The following TAF7L variants were observed in gnomAD, a reference collection of about 807,000 sequenced individuals.
The protein encoded by TAF7L is transcription initiation factor TFIID subunit 7-like.
TAF7L carries 6 observed loss-of-function variants against 30.2 expected under a neutral mutation model. The ratio of observed to expected loss-of-function variants is 0.20; its 90% CI spans 0.11 to 0.39. The LOEUF is 0.39. Among genes scored for constraint, TAF7L ranks in the 10% least tolerant of loss-of-function variants. TAF7L has a pLI of 1.00. For synonymous variants in TAF7L, 93 were observed against 94.5 expected, an observed-to-expected ratio of 0.98 and a Z score of 0.09; for missense variants, 284 against 277.1, an observed-to-expected ratio of 1.03 and a Z score of -0.18.
chrX:101,276,242 G>A, intron 10 of TAF7L, 65 bp downstream of exon 10: 1 of 1,201,960 alleles, frequency 8.3e-7, no homozygotes. Context: ...TCTAATGTAT[G>A]CTTAGAGTCA....
At chrX:101,286,341 C>T (rs753221289) in intron 3 of TAF7L, among the ~76,000 whole-genome samples, 1 of 111,158 alleles carries the variant, frequency 9.0e-6, no homozygotes, top group East Asian at 2.8e-4. Flanking sequence ...CCACAGTTGA[C>T]CCCCAAGTTT....
Position 101,276,003 on chromosome X carries a change from G to C in TAF7L, c.1023C>G (p.Leu341=), listed in dbSNP as rs1924155728. ...DLIMKVENLT[L]KNHFQSVLEQ... is the part of the protein sequence containing the mutation. ...TTTATGCCAGCCAAGAATTTACCTT[G>C]AGTGTCAGGTTTTCCACTTTCATGA... Residue 341 remains leucine, a synonymous_variant, in exon 11 of 13, where the codon CTC becomes CTG. Coordinates refer to ENST00000356784, the MANE Select transcript of TAF7L (RefSeq NM_001168474.2). The C allele has an allele frequency of 8.5e-7, 1 of 1,175,089 alleles. No individual in the cohort carries two copies. Among genetic ancestry groups the C allele is most frequent in the Non-Finnish European group, 1.1e-6 (1 of 875,405 alleles).
intron 6 of TAF7L, among the ~76,000 whole-genome samples, chrX:101,280,060 AAGC>A (rs2147375917): frequency 9.1e-6 from 1 of 110,417 alleles, no homozygotes; most frequent in South Asian, 3.8e-4. Context: ...AAAAAAAAAA[AAGC>A]AGGAGAAAAT....
intron 1 of TAF7L, among the ~76,000 whole-genome samples, chrX:101,288,605 T>C (rs1187146206): frequency 3.6e-5 from 4 of 109,812 alleles, no homozygotes; most frequent in Admixed American, 2.0e-4. Context: ...CAGTACTACA[T>C]TGAGTGCATT....
At chrX:101,288,593 C>T (rs1424711189) in intron 1 of TAF7L, among the ~76,000 whole-genome samples, 1 of 108,703 alleles carries the variant, frequency 9.2e-6, no homozygotes, top group Non-Finnish European at 1.9e-5. Context: ...ATTCTGTATG[C>T]CCAGTACTAC....
At position 101,276,076 on chromosome X, in the gene TAF7L, T is replaced by A; in HGVS notation, c.950A>T (p.Lys317Ile). Reference protein sequence around the residue: ...EIQKQIEKKEKKLHKIQNKAQ... With the variant: ...EIQKQIEKKEIKLHKIQNKAQ... The stretch of plus-strand genomic sequence containing the variant: ...TTTATTCTGAATCTTATGGAGCTTT[T>A]TCTCCTTTTTCTCAATCTGCTTCTG... The change falls in exon 11 of 13, where the codon AAA becomes ATA. Residue 317 changes from lysine to isoleucine, a missense_variant. By Grantham distance (102) the Lys-to-Ile change is moderately radical. Transcript: ENST00000356784. 8.3e-7 allele frequency: 1 copy of A among 1,204,727 alleles called. No homozygotes were observed. The highest frequency in any genetic ancestry group is 1.1e-6 in the Non-Finnish European group (1 of 892,662).
rs777180102 is a variant in TAF7L at position 101,282,130 on chromosome X, C to T, written c.406+197G>A. ...CGAACTCCTGACCTCAGGTGATCCA[C>T]CCGCCTCGGCCTCCCAAAGTGCTGG... is the stretch of plus-strand genomic sequence containing the variant. On this transcript the variant is annotated intron_variant, in intron 5 of 12. Transcript: ENST00000356784. Among the ~76,000 whole-genome samples, 4 of 111,041 alleles carry T rather than the reference C, an allele frequency of 3.6e-5. No homozygotes were observed. In the Admixed American group the frequency reaches 3.8e-4, roughly 11 times the overall value.
In TAF7L at chrX:101,278,050, G is replaced by C. The variant is rs1364722087; in HGVS notation, c.576C>G (p.Thr192=). The C allele has an allele frequency of 4.1e-6, 5 of 1,206,903 alleles. No individual in the cohort carries two copies. Among genetic ancestry groups the C allele is most frequent in the Non-Finnish European group, 5.6e-6 (5 of 891,234 alleles). The change falls in exon 8 of 13, where the codon ACC becomes ACG. Residue 192 remains threonine, a splice_region_variant and synonymous_variant. Transcript: ENST00000356784. ...AGAAAATATTTGTATAAAGGATACG[G>C]GTACTTACGGCTTCAGCATCCGAAC... ...LLRSDAEAVS[T]RWEVIAEDGT... is the part of the protein sequence containing the mutation.
chrX:101,291,215 C>G lies in TAF7L; in HGVS notation c.-3+9G>C, dbSNP rs1924784313. ...CGGTCCCGGCCGCCCGGTCGGCCGC[C>G]CGACTCACCCGCTCCTCCGGGAACT... On this transcript the variant is annotated intron_variant, in intron 1 of 12. Transcript: ENST00000356784. 1.3e-6 allele frequency: 1 copy of G among 746,227 alleles called. No individual in the cohort carries two copies. Among genetic ancestry groups the G allele is most frequent in the African/African-American group, 2.3e-5 (1 of 43,182 alleles). 61.5% of individuals were successfully genotyped at this position (746,227 alleles called of 1,213,427 possible).
intron 9 of TAF7L, among the ~76,000 whole-genome samples, chrX:101,277,275 A>C (rs2147372458): frequency 9.5e-6 from 1 of 105,445 alleles, no homozygotes; most frequent in African/African-American, 3.5e-5. Context: ...CCTGGCCAAC[A>C]TGGTGAAACC....
At chrX:101,281,032 G>A (rs781046686) in intron 6 of TAF7L, among the ~76,000 whole-genome samples, 1 of 111,713 alleles carries the variant, frequency 9.0e-6, no homozygotes, top group Non-Finnish European at 1.9e-5. Flanking sequence ...TGATGAAACT[G>A]TTTTGTATTT....
At chrX:101,273,037 G>A (rs1924022984) in intron 12 of TAF7L, among the ~76,000 whole-genome samples, 1 of 111,628 alleles carries the variant, frequency 9.0e-6, no homozygotes, top group African/African-American at 3.3e-5. Flanking sequence ...GCCTCCCAAA[G>A]CGCTAGGATT....
At position 101,287,469 on chromosome X, in the gene TAF7L, A is replaced by G; in HGVS notation, c.66+9T>C. On this transcript the variant is annotated intron_variant, in intron 2 of 12. Transcript: ENST00000356784. ...ATGAAGATATTTGTTCTGAGATACAAGTTCTTACCAGAGGCAGACGCAATA... is the reference window on the plus strand; with the variant it reads ...ATGAAGATATTTGTTCTGAGATACAGGTTCTTACCAGAGGCAGACGCAATA... 8.5e-7 allele frequency: 1 copy of G among 1,172,919 alleles called. No homozygotes were observed. Among genetic ancestry groups the G allele is most frequent in the Non-Finnish European group, 1.2e-6 (1 of 863,290 alleles).
chrX:101,275,085 C>T (rs985013843), intron 12 of TAF7L, 137 bp downstream of exon 12: 2 of 495,702 alleles, frequency 4.0e-6, no homozygotes, highest in Non-Finnish European at 6.8e-6. Flanking sequence ...AGACCTTGTT[C>T]CACCCTGCTA....
chrX:101,276,038 T>C lies in TAF7L; in HGVS notation c.988A>G (p.Lys330Glu). 2 of 1,204,199 alleles carry C rather than the reference T, an allele frequency of 1.7e-6. No individual in the cohort carries two copies. Among genetic ancestry groups the C allele is most frequent in the Non-Finnish European group, 2.2e-6 (2 of 893,426 alleles). Reference sequence around the variant, plus strand: ...TTTTCCACTTTCATGATGAGATCCTTCTGTCTTTGTGCTTTATTCTGAATC... The same window carrying C: ...TTTTCCACTTTCATGATGAGATCCTCCTGTCTTTGTGCTTTATTCTGAATC... Reference protein sequence around the residue: ...HKIQNKAQRQKDLIMKVENLT... With the variant: ...HKIQNKAQRQEDLIMKVENLT... Residue 330 changes from lysine to glutamate, a missense_variant, in exon 11 of 13, where the codon AAG becomes GAG. Transcript: ENST00000356784.
intron 12 of TAF7L, among the ~76,000 whole-genome samples, chrX:101,273,267 T>C (rs570987840): frequency 1.8e-5 from 2 of 111,664 alleles, no homozygotes; most frequent in African/African-American, 3.2e-5. Flanking sequence ...CAACCCATTC[T>C]CCAGATAATA....
At chrX:101,282,165 C>T (rs1924436728) in intron 5 of TAF7L, among the ~76,000 whole-genome samples, 162 bp downstream of exon 5, 2 of 111,354 alleles carry the variant, frequency 1.8e-5, no homozygotes, top group South Asian at 3.8e-4. Flanking sequence ...GGATTACAAG[C>T]GTGAGCCACC....
At chrX:101,278,424 A>G (rs1043700905) in intron 7 of TAF7L, among the ~76,000 whole-genome samples, 3 of 112,448 alleles carry the variant, frequency 2.7e-5, no homozygotes, top group Non-Finnish European at 5.6e-5. Context: ...GGTCTCAGTT[A>G]TAAATTATTT....
At chrX:101,292,644 C>T (rs1399351620), upstream of TAF7L, 9 of 671,069 alleles carry the variant, frequency 1.3e-5, no homozygotes, top group Non-Finnish European at 1.7e-5. Context: ...CAACATTTTA[C>T]ATCCTCTGGA....
Sources: gnomAD v4.1 joint callset for allele counts (sites outside exome capture counted in the v4.1 genomes callset) on GRCh38, gnomAD v4.1.1 for gene constraint, MANE v1.5 for transcripts, NCBI Gene and HGNC (gene_info 2026-07-23, HGNC 2026-07-21) for gene names.